EEIG2: variants seen among roughly 807,000 people sequenced by gnomAD.
EEIG2 encodes family with sequence similarity 102 member B.
At chr1:108,637,864 A>G in the EEIG2 span, 1 of 152,624 alleles carries the variant, frequency 6.6e-6, no homozygotes, top group Non-Finnish European at 1.5e-5. Flanking sequence ...AGTAAAGGGC[A>G]GAGAAGGCCC....
chr1:108,598,266 G>A, the EEIG2 span, among the ~76,000 whole-genome samples: 4 of 150,488 alleles, frequency 2.7e-5, no homozygotes, highest in East Asian at 1.9e-4. Context: ...CCCAGGAGGC[G>A]GAGGTTGCAG....
chr1:108,590,481 T>C, the EEIG2 span, among the ~76,000 whole-genome samples: 1 of 152,348 alleles, frequency 6.6e-6, no homozygotes, highest in East Asian at 1.9e-4. Flanking sequence ...TGAGATACAC[T>C]GTAAGCCAGG....
chr1:108,606,892 G>A, the EEIG2 span, among the ~76,000 whole-genome samples: 1 of 151,934 alleles, frequency 6.6e-6, no homozygotes, highest in Non-Finnish European at 1.5e-5. Flanking sequence ...TGAACTCCTG[G>A]CCTCAAGTGA....
chr1:108,623,891 C>T, the EEIG2 span, among the ~76,000 whole-genome samples: 878 of 151,948 alleles, frequency 5.8e-3, 5 homozygotes, highest in African/African-American at 0.02. Context: ...AGGCTGGTCT[C>T]GAACTCCTGA....
At chr1:108,604,002 G>C in the EEIG2 span, among the ~76,000 whole-genome samples, 1 of 152,186 alleles carries the variant, frequency 6.6e-6, no homozygotes, top group Non-Finnish European at 1.5e-5. Context: ...ACAGTAGAAA[G>C]GTCTAATTGT....
chr1:108,581,066 C>G, the EEIG2 span, among the ~76,000 whole-genome samples: 1 of 152,128 alleles, frequency 6.6e-6, no homozygotes, highest in Non-Finnish European at 1.5e-5. Context: ...GGTCACTTAT[C>G]AATGTGAAAA....
chr1:108,578,263 C>T, the EEIG2 span, among the ~76,000 whole-genome samples: 2 of 118,452 alleles, frequency 1.7e-5, no homozygotes, highest in Admixed American at 9.9e-5. Flanking sequence ...AATTTGACTT[C>T]CTCTTTTCCT....
chr1:108,575,786 T>C, the EEIG2 span, among the ~76,000 whole-genome samples: 2 of 152,126 alleles, frequency 1.3e-5, no homozygotes, highest in African/African-American at 4.8e-5. Flanking sequence ...GAAAGTAGAT[T>C]AGTGGTTGGC....
At chr1:108,593,950 C>T in the EEIG2 span, among the ~76,000 whole-genome samples, 1 of 151,932 alleles carries the variant, frequency 6.6e-6, no homozygotes, top group Non-Finnish European at 1.5e-5. Flanking sequence ...GGACCACAGG[C>T]GTACACCACC....
the EEIG2 span, among the ~76,000 whole-genome samples, chr1:108,580,781 A>G: frequency 6.6e-6 from 1 of 152,198 alleles, no homozygotes; most frequent in Non-Finnish European, 1.5e-5. Flanking sequence ...AGGTTGATTC[A>G]CAGGGCTTAA....
chr1:108,614,501 A>T, the EEIG2 span, among the ~76,000 whole-genome samples: 1 of 152,052 alleles, frequency 6.6e-6, no homozygotes. Context: ...TCAGATACTG[A>T]CCTTGCCTTA....
At chr1:108,620,748 T>G in the EEIG2 span, among the ~76,000 whole-genome samples, 1 of 152,220 alleles carries the variant, frequency 6.6e-6, no homozygotes, top group Non-Finnish European at 1.5e-5. Context: ...AGGAATTAAT[T>G]CTTCCAGGGT....
At chr1:108,603,769 T>C in the EEIG2 span, among the ~76,000 whole-genome samples, 1 of 152,194 alleles carries the variant, frequency 6.6e-6, no homozygotes, top group Non-Finnish European at 1.5e-5. Context: ...GAACTAAAAT[T>C]GTTTTTTAAA....
the EEIG2 span, among the ~76,000 whole-genome samples, chr1:108,582,579 A>G: frequency 6.6e-6 from 1 of 152,124 alleles, no homozygotes; most frequent in African/African-American, 2.4e-5. Flanking sequence ...AAATGCTATC[A>G]TGTGTCATTT....
chr1:108,617,467 C>T, the EEIG2 span, among the ~76,000 whole-genome samples: 5 of 152,082 alleles, frequency 3.3e-5, no homozygotes, highest in African/African-American at 4.8e-5. Context: ...GGGTGTTAGA[C>T]GTTTTAAATT....
the EEIG2 span, among the ~76,000 whole-genome samples, chr1:108,604,884 GA>G: frequency 2.3e-4 from 33 of 145,270 alleles, no homozygotes; most frequent in East Asian, 1.8e-3. Context: ...AAAAAAAAGA[GA>G]AAAAAAAAAT....
chr1:108,615,260 T>G, the EEIG2 span, among the ~76,000 whole-genome samples: 1 of 152,124 alleles, frequency 6.6e-6, no homozygotes, highest in Non-Finnish European at 1.5e-5. Flanking sequence ...AAATAATTGC[T>G]CTCTCCTAGG....
chr1:108,598,521 G>T, the EEIG2 span, among the ~76,000 whole-genome samples: 2 of 151,846 alleles, frequency 1.3e-5, no homozygotes, highest in African/African-American at 4.8e-5. Context: ...CACTTATCTC[G>T]CCTGCATTGT....
the EEIG2 span, chr1:108,625,668 C>G: frequency 6.6e-6 from 1 of 152,300 alleles, no homozygotes; most frequent in Non-Finnish European, 1.5e-5. Context: ...ACATCCTTCT[C>G]TATCTACTGC....
Sources: gnomAD v4.1 joint callset for allele counts (sites outside exome capture counted in the v4.1 genomes callset) on GRCh38, gnomAD v4.1.1 for gene constraint, MANE v1.5 for transcripts, NCBI Gene and HGNC (gene_info 2026-07-23, HGNC 2026-07-21) for gene names.